The following PHLPP1 variants were observed in gnomAD, a reference collection of about 807,000 sequenced individuals.
PHLPP1 encodes the protein PH domain and leucine rich repeat protein phosphatase 1.
PHLPP1 carries 42 observed loss-of-function variants against 117.2 expected under a neutral mutation model. The observed-to-expected ratio is 0.36, with a 90% confidence interval of 0.28 to 0.46. PHLPP1 has a LOEUF of 0.46. Ranked by LOEUF, PHLPP1 falls within the 20% of genes least tolerant of loss-of-function variation. The pLI is 1.00. For missense variants in PHLPP1, 2,084 were observed against 2,241.9 expected (o/e 0.93, Z 1.42); for synonymous variants, 1,042 against 970.7 (o/e 1.07, Z -1.37).
At chr18:62,897,597 C>T (rs571250416) in intron 6 of PHLPP1, among the ~76,000 whole-genome samples, 9 of 152,316 alleles carry the variant, frequency 5.9e-5, no homozygotes, top group Non-Finnish European at 1.2e-4. Flanking sequence ...ACCTCCACCT[C>T]CTGGGTTCAA....
At chr18:62,823,975 T>TA (rs1316275990) in intron 1 of PHLPP1, among the ~76,000 whole-genome samples, 3 of 151,664 alleles carry the variant, frequency 2.0e-5, no homozygotes, top group Non-Finnish European at 4.4e-5. Context: ...CTACTAAAAA[T>TA]ACAAAAATTA....
At chr18:62,796,105 C>T (rs1430482914) in intron 1 of PHLPP1, among the ~76,000 whole-genome samples, 1 of 152,178 alleles carries the variant, frequency 6.6e-6, no homozygotes, top group African/African-American at 2.4e-5. Context: ...GCAGGTATAG[C>T]TTGTGATTAA....
chr18:62,896,095 C>A, intron 6 of PHLPP1, 84 bp downstream of exon 6: 1 of 766,618 alleles, frequency 1.3e-6, no homozygotes. Context: ...CCAAGGCAAA[C>A]AAGCTGGGTA....
chr18:62,793,811 A>G (rs1470982324), intron 1 of PHLPP1, among the ~76,000 whole-genome samples: 1 of 152,144 alleles, frequency 6.6e-6, no homozygotes, highest in Non-Finnish European at 1.5e-5. Context: ...CATGATGGTA[A>G]TTCCCTGCTC....
chr18:62,804,889 C>T (rs8087759), intron 1 of PHLPP1, among the ~76,000 whole-genome samples: 1,928 of 140,764 alleles, frequency 0.014, 42 homozygotes, highest in African/African-American at 0.048. Flanking sequence ...ATATACACTG[C>T]ATATATTATA....
chr18:62,851,978 G>A (rs1915364550), intron 3 of PHLPP1, among the ~76,000 whole-genome samples: 1 of 151,946 alleles, frequency 6.6e-6, no homozygotes, highest in African/African-American at 2.4e-5. Context: ...CTGGGCTCAA[G>A]GATTCCTCCC....
At chr18:62,761,070 G>T (rs989421199) in intron 1 of PHLPP1, among the ~76,000 whole-genome samples, 7 of 151,734 alleles carry the variant, frequency 4.6e-5, no homozygotes, top group African/African-American at 1.7e-4. Flanking sequence ...TTGCCATGTT[G>T]CCCAGACTGG....
chr18:62,814,903 A>T (rs1296316089), intron 1 of PHLPP1, among the ~76,000 whole-genome samples: 9 of 152,232 alleles, frequency 5.9e-5, no homozygotes. Flanking sequence ...CCAACACAGT[A>T]AAGTTGTGAG....
intron 9 of PHLPP1, among the ~76,000 whole-genome samples, chr18:62,918,295 A>G (rs1354483337): frequency 6.6e-6 from 1 of 151,596 alleles, no homozygotes; most frequent in Admixed American, 6.6e-5. Context: ...TTTAATGTTT[A>G]GACAGTACCC....
intron 6 of PHLPP1, among the ~76,000 whole-genome samples, chr18:62,898,944 G>A (rs983309436): frequency 4.0e-5 from 6 of 151,780 alleles, no homozygotes; most frequent in East Asian, 1.9e-4. Flanking sequence ...GATTACAGGC[G>A]CCCATCACCA....
Position 62,717,084 on chromosome 18 carries a change from G to A in PHLPP1, c.1401G>A (p.Pro467=). 1 of 633,156 alleles carries A rather than the reference G, an allele frequency of 1.6e-6. No individual in the cohort carries two copies. The highest frequency in any genetic ancestry group is 2.7e-6 in the Non-Finnish European group (1 of 376,986). 39.2% of individuals were successfully genotyped at this position (633,156 alleles called of 1,614,324 possible). A position where few individuals can be genotyped will look rare whatever the true frequency, so the allele number is the denominator to read the frequency against. The change falls in exon 1 of 17, where the codon CCG becomes CCA. Residue 467 remains proline (P), a synonymous_variant. Coordinates refer to ENST00000262719, the MANE Select transcript of PHLPP1 (RefSeq NM_194449.4). The part of the protein sequence containing the change: ...VTAEKAPPPP[P]PPTLYVQLHG... Reference sequence around the variant, plus strand: ...CGGAGAAGGCGCCTCCGCCGCCCCCGCCGCCCACCCTGTACGTGCAGCTCC... The same window carrying A: ...CGGAGAAGGCGCCTCCGCCGCCCCCACCGCCCACCCTGTACGTGCAGCTCC...
chr18:62,954,113 C>T (rs1277838178), intron 12 of PHLPP1, among the ~76,000 whole-genome samples: 1 of 152,012 alleles, frequency 6.6e-6, no homozygotes, highest in Non-Finnish European at 1.5e-5. Context: ...CTTTTTTATG[C>T]TCTTATCTAA....
chr18:62,768,910 G>T (rs989604159), intron 1 of PHLPP1, among the ~76,000 whole-genome samples: 1 of 152,158 alleles, frequency 6.6e-6, no homozygotes, highest in African/African-American at 2.4e-5. Context: ...TAGGTATCAA[G>T]AAAATGATTT....
At chr18:62,891,260 A>T (rs971400683) in intron 4 of PHLPP1, among the ~76,000 whole-genome samples, 3 of 152,332 alleles carry the variant, frequency 2.0e-5, no homozygotes, top group African/African-American at 7.2e-5. Context: ...TATGTCAATT[A>T]TATATATCGA....
chr18:62,865,231 C>G (rs1002204269), intron 4 of PHLPP1, among the ~76,000 whole-genome samples: 2 of 152,120 alleles, frequency 1.3e-5, no homozygotes, highest in African/African-American at 4.8e-5. Flanking sequence ...GAGGCTGAGG[C>G]ATGAGGATTG....
chr18:62,918,429 A>AATATATATATATAT (rs34065978), intron 9 of PHLPP1, among the ~76,000 whole-genome samples: 21,247 of 139,910 alleles, frequency 0.15, 1,966 homozygotes, highest in Non-Finnish European at 0.21. Context: ...GTAAAGGATA[A>AATATATATATATAT]ATATATATAT....
chr18:62,762,587 C>T (rs1185942291), intron 1 of PHLPP1, among the ~76,000 whole-genome samples: 1 of 150,986 alleles, frequency 6.6e-6, no homozygotes, highest in African/African-American at 2.4e-5. Context: ...CTAATTTTTG[C>T]ATTTTTAGTA....
chr18:62,808,197 C>G (rs956958447), intron 1 of PHLPP1, among the ~76,000 whole-genome samples: 14 of 152,108 alleles, frequency 9.2e-5, no homozygotes, highest in African/African-American at 3.1e-4. Context: ...ATCATCTTTT[C>G]TGAAGATGAG....
chr18:62,817,628 C>A (rs894216328), intron 1 of PHLPP1, among the ~76,000 whole-genome samples: 2 of 151,544 alleles, frequency 1.3e-5, no homozygotes, highest in Admixed American at 1.3e-4. Context: ...TAATTGGAGT[C>A]CCTGGAGAGG....
Sources: allele counts gnomAD v4.1 joint callset (sites outside exome capture counted in the v4.1 genomes callset), GRCh38; gene constraint gnomAD v4.1.1; transcripts MANE v1.5; gene names NCBI Gene and HGNC (gene_info 2026-07-23, HGNC 2026-07-21).